The following TMTC3 variants were observed in gnomAD, a reference collection of about 807,000 sequenced individuals.
TMTC3 encodes the protein protein O-mannosyl-transferase TMTC3.
In TMTC3, 52 loss-of-function variants were observed where a neutral mutation model predicts 92.2. The observed-to-expected ratio is 0.56, with a 90% CI of 0.45 to 0.71. The LOEUF (loss-of-function observed/expected upper bound fraction) is 0.71. Among genes scored for constraint, TMTC3 ranks in the 30% least tolerant of loss-of-function variants. The pLI, the probability that TMTC3 is intolerant of heterozygous loss-of-function variation, is 0.00. For missense variants in TMTC3, 896 were observed against 1,057.1 expected (o/e 0.85, Z 2.11); for synonymous variants, 339 against 363.3 (o/e 0.93, Z 0.76).
At chr12:88,163,019 G>C (rs938662265) in intron 6 of TMTC3, among the ~76,000 whole-genome samples, 4 of 151,480 alleles carry the variant, frequency 2.6e-5, no homozygotes, top group African/African-American at 9.7e-5. Context: ...AGGTTTAAAC[G>C]ATTCTCCTGC....
intron 10 of TMTC3, among the ~76,000 whole-genome samples, chr12:88,187,959 A>G (rs976962016): frequency 6.6e-6 from 1 of 152,148 alleles, no homozygotes; most frequent in Non-Finnish European, 1.5e-5. Flanking sequence ...ATGAATCCTC[A>G]TCTCTTTCCT....
Position 88,192,637 on chromosome 12 carries a change from T to G in TMTC3, c.1740T>G (p.Leu580=). 1 of 1,611,058 alleles carries G rather than the reference T, an allele frequency of 6.2e-7. No homozygotes were observed. Among genetic ancestry groups the G allele is most frequent in the East Asian group, 2.2e-5 (1 of 44,660 alleles). Residue 580 remains leucine, a synonymous_variant, in exon 13 of 14, where the codon CTT becomes CTG. Coordinates refer to ENST00000266712, the MANE Select transcript of TMTC3 (RefSeq NM_181783.4). The part of the protein sequence containing the change: ...GELLLKMNKP[L]KAKEAYLKAL... ...TGCTTTTAAAAATGAATAAACCTCT[T>G]AAAGCAAAGGAAGCATATCTTAAAG... is the stretch of plus-strand genomic sequence containing the variant.
Position 88,195,459 on chromosome 12 carries a change from A to T in TMTC3, c.2555A>T (p.Glu852Val), listed in dbSNP as rs1368868647. The change falls in exon 14 of 14, where the codon GAA (glutamate) becomes GTA (valine). Residue 852 changes from glutamate to valine, a missense_variant. Transcript: ENST00000266712. ...GAAAGTGTAAAAGAAATTAGAGGTG[A>T]ATCCAGACAAACACAAATAGTAAAA... Reference protein sequence around the residue: ...PTESVKEIRGESRQTQIVKTS... With the variant: ...PTESVKEIRGVSRQTQIVKTS... 3 of 1,613,118 alleles carry T rather than the reference A, an allele frequency of 1.9e-6. No individual in the cohort carries two copies. In the East Asian group the frequency reaches 6.7e-5, roughly 36 times the overall value.
chr12:88,178,328 G>A lies in TMTC3; in HGVS notation c.1432+2009G>A, dbSNP rs183725059. ...GTTTTTCTTGGAATGTGGGATTAAT[G>A]TCCTGTACTTCCTTACTTCTTTGCC... On this transcript the variant is annotated intron_variant, in intron 10 of 13. Transcript: ENST00000266712. Among the ~76,000 whole-genome samples the A allele has an allele frequency of 2.5e-3, 388 of 152,274 alleles. 1 individual carries two copies. The highest frequency in any genetic ancestry group is 0.014 in the Middle Eastern group (4 of 294).
chr12:88,148,400 GT>G lies in TMTC3; in HGVS notation c.90del (p.Phe30LeufsTer19), dbSNP rs1565941897. 6.2e-7 allele frequency: 1 copy of G among 1,613,502 alleles called. No homozygotes were observed. Among genetic ancestry groups the G allele is most frequent in the Non-Finnish European group, 8.5e-7 (1 of 1,179,680 alleles). The part of the protein sequence containing the change: ...CYWNSLFCGF[V>X]FDDVSAILDN... ...TTGGAACAGCCTCTTTTGTGGTTTT[GT>G]TTTTGATGATGTTTCAGCAATACTG... On this transcript the variant is annotated frameshift_variant, in exon 2 of 14. Transcript: ENST00000266712. LOFTEE classifies it high-confidence loss of function.
At chr12:88,172,908 TCCATGGCA>T in intron 8 of TMTC3, 163 bp downstream of exon 8, 1 of 1,506,648 alleles carries the variant, frequency 6.6e-7, no homozygotes, top group South Asian at 1.2e-5. Context: ...TTAGGAAAGC[TCCATGGCA>T]CCTACTTATT....
intron 7 of TMTC3, among the ~76,000 whole-genome samples, chr12:88,171,120 G>T (rs1378055313): frequency 6.6e-6 from 1 of 152,052 alleles, no homozygotes; most frequent in Non-Finnish European, 1.5e-5. Flanking sequence ...AACGACACCT[G>T]ATTTCATTCC....
At chr12:88,148,734 CT>C (rs879353745) in intron 2 of TMTC3, among the ~76,000 whole-genome samples, 303 of 141,776 alleles carry the variant, frequency 2.1e-3, no homozygotes, top group Admixed American at 2.6e-3. Flanking sequence ...TTGGCTGCTG[CT>C]TTTTTTTTTT....
chr12:88,192,079 AAATT>A (rs1245903520), intron 12 of TMTC3, among the ~76,000 whole-genome samples: 1 of 146,674 alleles, frequency 6.8e-6, no homozygotes, highest in African/African-American at 2.6e-5. Context: ...GATGAGGACT[AAATT>A]AATATAAGAA....
chr12:88,176,639 G>T (rs1289785885), intron 10 of TMTC3, among the ~76,000 whole-genome samples: 1 of 152,080 alleles, frequency 6.6e-6, no homozygotes, highest in East Asian at 1.9e-4. Context: ...GCCAGGCATG[G>T]TGGTGTGGGC....
chr12:88,186,775 C>G (rs2041382350), intron 10 of TMTC3, among the ~76,000 whole-genome samples: 1 of 152,082 alleles, frequency 6.6e-6, no homozygotes, highest in Non-Finnish European at 1.5e-5. Context: ...TTAGGTCTTT[C>G]ATTTTATTAG....
intron 8 of TMTC3, among the ~76,000 whole-genome samples, chr12:88,174,040 G>A (rs778379768): frequency 5.3e-5 from 8 of 152,078 alleles, no homozygotes; most frequent in Non-Finnish European, 8.8e-5. Context: ...AGATCATAAA[G>A]ATTATAGGTG....
At chr12:88,152,827 C>A (rs1247433727) in intron 2 of TMTC3, among the ~76,000 whole-genome samples, 2 of 152,040 alleles carry the variant, frequency 1.3e-5, no homozygotes, top group Non-Finnish European at 2.9e-5. Context: ...TAGACAGTAC[C>A]TTTTTGAGTC....
intron 2 of TMTC3, among the ~76,000 whole-genome samples, chr12:88,148,763 A>G (rs938108295): frequency 6.6e-6 from 1 of 151,574 alleles, no homozygotes; most frequent in African/African-American, 2.4e-5. Flanking sequence ...TATTTTAGAT[A>G]CAGGGCTACA....
At chr12:88,180,894 A>G (rs1276854091) in intron 10 of TMTC3, among the ~76,000 whole-genome samples, 2 of 152,206 alleles carry the variant, frequency 1.3e-5, no homozygotes, top group Non-Finnish European at 2.9e-5. Flanking sequence ...ATGCTTTTCT[A>G]TGGCTGATTG....
At chr12:88,194,221 C>CA (rs1007477881) in intron 13 of TMTC3, among the ~76,000 whole-genome samples, 2 of 151,048 alleles carry the variant, frequency 1.3e-5, no homozygotes, top group Non-Finnish European at 3.0e-5. Flanking sequence ...GACCCTGTCT[C>CA]AAAAAAAAGA....
intron 6 of TMTC3, among the ~76,000 whole-genome samples, chr12:88,162,989 C>T (rs1289279922): frequency 6.6e-6 from 1 of 151,068 alleles, no homozygotes; most frequent in Non-Finnish European, 1.5e-5. Context: ...AATCTCGGCT[C>T]ACCGCAACCT....
intron 1 of TMTC3, among the ~76,000 whole-genome samples, chr12:88,145,627 A>G (rs2040863302): frequency 6.6e-6 from 1 of 152,194 alleles, no homozygotes; most frequent in African/African-American, 2.4e-5. Context: ...GGAAAAATCC[A>G]TTGGAAGAGA....
intron 4 of TMTC3, among the ~76,000 whole-genome samples, chr12:88,156,305 G>A (rs1055811452): frequency 5.9e-5 from 9 of 152,136 alleles, no homozygotes; most frequent in Admixed American, 5.9e-4. Flanking sequence ...AAAGGCCAGG[G>A]CCACTCTTTG....
Sources: gnomAD v4.1 joint callset for allele counts (sites outside exome capture counted in the v4.1 genomes callset) on GRCh38, gnomAD v4.1.1 for gene constraint, MANE v1.5 for transcripts, NCBI Gene and HGNC (gene_info 2026-07-23, HGNC 2026-07-21) for gene names.